CSMD1: variants seen among roughly 807,000 people sequenced by gnomAD.
The protein encoded by CSMD1 is CUB and Sushi multiple domains 1.
CSMD1 carries 213 observed loss-of-function variants against 417.5 expected under a neutral mutation model. That is an observed-to-expected ratio of 0.51 (90% confidence interval 0.46 to 0.57). CSMD1 has a LOEUF of 0.57. Among genes scored for constraint, CSMD1 ranks in the 20% least tolerant of loss-of-function variants. CSMD1 has a pLI of 0.00. For missense variants in CSMD1, 6,923 were observed against 4,529.7 expected (o/e 1.53, Z -15.17); for synonymous variants, 2,862 against 1,736.8 (o/e 1.65, Z -16.11).
chr8:3,847,587 G>C (rs1563140941), intron 5 of CSMD1, among the ~76,000 whole-genome samples: 1 of 152,158 alleles, frequency 6.6e-6, no homozygotes. Context: ...CCTGAGAGAA[G>C]ACTGGGGTAA....
At chr8:4,046,254 T>C (rs963214981) in intron 3 of CSMD1, among the ~76,000 whole-genome samples, 1 of 152,228 alleles carries the variant, frequency 6.6e-6, no homozygotes, top group African/African-American at 2.4e-5. Flanking sequence ...TTATCTTTTA[T>C]TTCTAATTAT....
intron 7 of CSMD1, among the ~76,000 whole-genome samples, chr8:3,697,417 C>G (rs1317431952): frequency 6.6e-6 from 1 of 152,160 alleles, no homozygotes; most frequent in African/African-American, 2.4e-5. Flanking sequence ...AACTCTTGGT[C>G]TCTTCGTTAT....
intron 7 of CSMD1, among the ~76,000 whole-genome samples, chr8:3,626,102 A>G (rs879714608): frequency 1.3e-5 from 2 of 152,178 alleles, no homozygotes; most frequent in African/African-American, 2.4e-5. Context: ...CATCTGTCTG[A>G]TTCCACATGG....
intron 7 of CSMD1, among the ~76,000 whole-genome samples, chr8:3,624,167 GA>G (rs1191982200): frequency 6.6e-6 from 1 of 152,056 alleles, no homozygotes; most frequent in African/African-American, 2.4e-5. Flanking sequence ...GCATCCAAAA[GA>G]AAAATGAAGA....
intron 1 of CSMD1, among the ~76,000 whole-genome samples, chr8:4,922,005 C>T (rs1027805508): frequency 6.6e-6 from 1 of 152,154 alleles, no homozygotes; most frequent in African/African-American, 2.4e-5. Context: ...CTGCAATTTC[C>T]TTCCTATGAA....
intron 12 of CSMD1, among the ~76,000 whole-genome samples, chr8:3,458,713 A>G (rs1323818670): frequency 6.6e-6 from 1 of 152,210 alleles, no homozygotes; most frequent in Non-Finnish European, 1.5e-5. Flanking sequence ...CAAACACTTA[A>G]TTATTAATAT....
chr8:2,963,085 G>C, intron 60 of CSMD1, 137 bp downstream of exon 60: 2 of 928,850 alleles, frequency 2.2e-6, no homozygotes, highest in Non-Finnish European at 3.2e-6. Flanking sequence ...ACAGTCTCAA[G>C]TTTGAGTTTT....
intron 8 of CSMD1, among the ~76,000 whole-genome samples, chr8:3,601,412 A>G (rs1002080716): frequency 1.3e-5 from 2 of 152,198 alleles, no homozygotes; most frequent in Non-Finnish European, 2.9e-5. Context: ...TGTTTATGCT[A>G]TCAAACAGGT....
chr8:3,495,311 A>G (rs1017703371), intron 10 of CSMD1, among the ~76,000 whole-genome samples: 9 of 152,188 alleles, frequency 5.9e-5, no homozygotes, highest in African/African-American at 2.2e-4. Flanking sequence ...CCTTTCCGAC[A>G]TGTTAACTCA....
intron 1 of CSMD1, among the ~76,000 whole-genome samples, chr8:4,757,174 A>T (rs1811719091): frequency 6.6e-6 from 1 of 152,228 alleles, no homozygotes; most frequent in Non-Finnish European, 1.5e-5. Flanking sequence ...TATAAACATG[A>T]CTGGATTTAC....
chr8:4,312,436 T>TATGCGTATATATATACGTATATATATGC (rs1563435289), intron 3 of CSMD1, among the ~76,000 whole-genome samples: 1,217 of 116,712 alleles, frequency 0.01, 92 homozygotes, highest in African/African-American at 0.057. Flanking sequence ...TATATATATA[T>TATGCGTATATATATACGTATATATATGC]GCGTATATAT....
intron 2 of CSMD1, among the ~76,000 whole-genome samples, chr8:4,450,234 G>C (rs965590539): frequency 6.6e-6 from 1 of 152,210 alleles, no homozygotes; most frequent in Non-Finnish European, 1.5e-5. Context: ...AGACTAAGAT[G>C]AAAGCAAAGA....
intron 1 of CSMD1, among the ~76,000 whole-genome samples, chr8:4,930,463 ATTAGT>A (rs1428566644): frequency 6.6e-6 from 1 of 152,154 alleles, no homozygotes; most frequent in Non-Finnish European, 1.5e-5. Context: ...CTGTTAGCTT[ATTAGT>A]TTACTCAGCA....
At chr8:3,194,627 ATT>A (rs34246085) in intron 33 of CSMD1, among the ~76,000 whole-genome samples, 3 of 141,948 alleles carry the variant, frequency 2.1e-5, no homozygotes, top group African/African-American at 7.8e-5. Flanking sequence ...TTGGCTAATA[ATT>A]TTTTTTTTTT....
rs574658238 is a variant in CSMD1 at position 3,540,778 on chromosome 8, A to T, written c.1344+34167T>A. 8.5e-5 allele frequency among the ~76,000 whole-genome samples: 13 copies of T among 152,356 alleles called. No individual in the cohort carries two copies. In the South Asian group the frequency reaches 1.2e-3, roughly 15 times the overall value. On this transcript the variant is annotated intron_variant, in intron 10 of 69. Coordinates refer to ENST00000635120, the MANE Select transcript of CSMD1 (RefSeq NM_033225.6). ...CATCCATGCAGTCAACAAACATGAA[A>T]AAAAGCTCAACATCACTGATAAGTA...
At chr8:4,259,464 A>T (rs1031591108) in intron 3 of CSMD1, among the ~76,000 whole-genome samples, 2 of 152,206 alleles carry the variant, frequency 1.3e-5, no homozygotes. Context: ...CTTAAGCTTT[A>T]GGCTTAAAAA....
chr8:4,075,820 C>T (rs888741359), intron 3 of CSMD1, among the ~76,000 whole-genome samples: 1 of 152,084 alleles, frequency 6.6e-6, no homozygotes, highest in South Asian at 2.1e-4. Flanking sequence ...TCATGGTTGT[C>T]AGAGTGAAAA....
chr8:4,011,609 C>T (rs1249821366), intron 4 of CSMD1, among the ~76,000 whole-genome samples: 1 of 152,168 alleles, frequency 6.6e-6, no homozygotes, highest in Non-Finnish European at 1.5e-5. Context: ...ATCTCAGTGA[C>T]ATTTAACATT....
At chr8:3,514,971 G>C (rs1472256491) in intron 10 of CSMD1, among the ~76,000 whole-genome samples, 5 of 152,086 alleles carry the variant, frequency 3.3e-5, no homozygotes, top group Non-Finnish European at 1.5e-5. Context: ...ATATATCAAA[G>C]TGCCTTTTAA....
Sources: allele counts gnomAD v4.1 joint callset (sites outside exome capture counted in the v4.1 genomes callset), GRCh38; gene constraint gnomAD v4.1.1; transcripts MANE v1.5; gene names NCBI Gene and HGNC (gene_info 2026-07-23, HGNC 2026-07-21).